Variants in RBBP6 observed in about 807,000 individuals in gnomAD.
RBBP6 encodes E3 ubiquitin-protein ligase RBBP6.
Under a neutral mutation model 167.7 loss-of-function variants are expected in RBBP6, and 25 were observed. The observed-to-expected ratio is 0.15, with a 90% CI of 0.11 to 0.21. The LOEUF is 0.21. Ranked by LOEUF, RBBP6 falls within the 10% of genes least tolerant of loss-of-function variation. The probability of loss-of-function intolerance (pLI) is 1.00; values close to 1 mark genes in which losing one functional copy is unlikely to be tolerated. For missense variants in RBBP6, 1,868 were observed against 2,134.2 expected, an observed-to-expected ratio of 0.88 and a Z score of 2.46; for synonymous variants, 789 against 735.8, an observed-to-expected ratio of 1.07 and a Z score of -1.17.
rs1040798933 is a variant in RBBP6, at chr16:24,541,087, C to G, written c.166+295C>G. ...GGAGGGAGGAGAGGGGGATAGCTAT[C>G]TAGACTCTTTGAGTGCTTGTCTTAG... On this transcript the variant is annotated intron_variant, in intron 1 of 17. Transcript: ENST00000319715. Among the ~76,000 whole-genome samples, 13 of 148,872 alleles carry G rather than the reference C, an allele frequency of 8.7e-5. 1 individual carries two copies. Among genetic ancestry groups the G allele is most frequent in the Admixed American group, 6.9e-5 (1 of 14,518 alleles).
Position 24,562,144 on chromosome 16 carries a change from A to G in RBBP6, c.1272A>G (p.Lys424=), listed in dbSNP as rs1319101177. ...TATCCATATCAGTTCATTCAGAAAA[A>G]TCAGATGGACCTTTTCGGTAAGCCT... ...ATVSISVHSE[K]SDGPFRDSDN... The change falls in exon 10 of 18, where the codon AAA becomes AAG. Residue 424 remains lysine (K), a synonymous_variant. Coordinates refer to ENST00000319715, the MANE Select transcript of RBBP6 (RefSeq NM_006910.5). 3.1e-6 allele frequency: 5 copies of G among 1,608,932 alleles called. No homozygotes were observed. Among genetic ancestry groups the G allele is most frequent in the Non-Finnish European group, 4.3e-6 (5 of 1,176,444 alleles).
chr16:24,568,765 G>A lies in RBBP6; in HGVS notation c.2075G>A (p.Gly692Asp), dbSNP rs752430301. 7 of 1,613,748 alleles carry A rather than the reference G, an allele frequency of 4.3e-6. No homozygotes were observed. The highest frequency in any genetic ancestry group is 5.9e-6 in the Non-Finnish European group (7 of 1,179,854). Residue 692 changes from glycine (G) to aspartate (D), a missense_variant, in exon 17 of 18, where the codon GGT (glycine) becomes GAT (aspartate). Gly to Asp is a moderately conservative substitution (Grantham distance 94). Around this residue, in one of 7 missense-constraint regions of RBBP6, gnomAD observed 145 missense variants for 224.3 expected, o/e 0.65. Coordinates refer to ENST00000319715, the MANE Select transcript of RBBP6 (RefSeq NM_006910.5). ...TTTAGGTCTAAATCTCCCTATAGTG[G>A]TTCTTCGTATTCAAGAAGTTCATAT... Reference protein sequence around the residue: ...SFSRSKSPYSGSSYSRSSYTY... With the variant: ...SFSRSKSPYSDSSYSRSSYTY...
intron 1 of RBBP6, among the ~76,000 whole-genome samples, chr16:24,544,565 A>G (rs905907336): frequency 2.0e-5 from 3 of 152,222 alleles, no homozygotes; most frequent in Non-Finnish European, 4.4e-5. Flanking sequence ...CTTTGTGCAG[A>G]GTAACTTTAA....
At chr16:24,554,552 G>A (rs974013769) in intron 4 of RBBP6, 9 of 151,978 alleles carry the variant, frequency 5.9e-5, no homozygotes, top group African/African-American at 2.2e-4. Context: ...GGAAAACTAA[G>A]CATTAAAATT....
chr16:24,545,969 G>T (rs576267906), intron 1 of RBBP6, among the ~76,000 whole-genome samples, 194 bp from the exon 2 acceptor site: 1 of 152,248 alleles, frequency 6.6e-6, no homozygotes, highest in Admixed American at 6.5e-5. Context: ...TGATGATATT[G>T]GTTGTCCTTT....
Position 24,563,646 on chromosome 16 carries a change from G to A in RBBP6, c.1502G>A (p.Gly501Asp). ...ATAAATACTGCTCGTCCAGGTGGTG[G>A]TCGACCAGGCTGGGAACAGTGAGTA... is the stretch of plus-strand genomic sequence containing the variant. ...VRINTARPGG[G>D]RPGWEHSNKL... Residue 501 changes from glycine (G) to aspartate (D), a missense_variant, in exon 13 of 18, where the codon GGT (glycine) becomes GAT (aspartate). Gly to Asp is a moderately conservative substitution (Grantham distance 94, BLOSUM62 -1). This residue lies in a region of RBBP6 where 245 missense variants were observed against 240.1 expected (regional missense o/e 1.02). Coordinates refer to ENST00000319715, the MANE Select transcript of RBBP6 (RefSeq NM_006910.5). 1.2e-6 allele frequency: 2 copies of A among 1,611,200 alleles called. No homozygotes were observed. Among genetic ancestry groups the A allele is most frequent in the Non-Finnish European group, 8.5e-7 (1 of 1,179,468 alleles).
chr16:24,546,258 G>A lies in RBBP6; in HGVS notation c.262G>A (p.Val88Ile), dbSNP rs760632936. 7.0e-6 allele frequency: 11 copies of A among 1,563,114 alleles called. No homozygotes were observed. Among genetic ancestry groups the A allele is most frequent in the South Asian group, 4.9e-5 (4 of 81,882 alleles). ...GGVKSTSKTY[V>I]ISRTEPAMAT... ...TGTTAAATCTACAAGCAAGACATATGTTATGTAAGTATCAAATCTCATGTA... is the reference window on the plus strand; with the variant it reads ...TGTTAAATCTACAAGCAAGACATATATTATGTAAGTATCAAATCTCATGTA... The change falls in exon 2 of 18, where the codon GTT (valine) becomes ATT (isoleucine). Residue 88 changes from valine to isoleucine, a missense_variant. Val to Ile is a conservative substitution (Grantham distance 29). Transcript: ENST00000319715.
intron 14 of RBBP6, among the ~76,000 whole-genome samples, chr16:24,565,170 G>A (rs1219430770): frequency 6.6e-6 from 1 of 152,100 alleles, no homozygotes; most frequent in Non-Finnish European, 1.5e-5. Context: ...GAAAGTCAGG[G>A]GTCAGACAAT....
At chr16:24,544,365 G>T (rs766614767) in intron 1 of RBBP6, among the ~76,000 whole-genome samples, 1 of 152,124 alleles carries the variant, frequency 6.6e-6, no homozygotes, top group Non-Finnish European at 1.5e-5. Flanking sequence ...CTAGGAAATT[G>T]CCTACCTCTA....
chr16:24,539,766 G>A lies in RBBP6; in HGVS notation c.-861G>A, dbSNP rs1233823765. On this transcript the variant is annotated 5_prime_UTR_variant, in exon 1 of 18. Coordinates refer to ENST00000319715, the MANE Select transcript of RBBP6 (RefSeq NM_006910.5). ...AAGGCGACGGAAACGAAAGGCGAGCGAAGCGCGGAGGATCCGGCGAGAAGA... is the reference window on the plus strand; with the variant it reads ...AAGGCGACGGAAACGAAAGGCGAGCAAAGCGCGGAGGATCCGGCGAGAAGA... The A allele has an allele frequency of 6.6e-6, 1 of 152,246 alleles. No homozygotes were observed. Among genetic ancestry groups the A allele is most frequent in the Non-Finnish European group, 1.5e-5 (1 of 68,064 alleles). 9.4% of individuals were successfully genotyped at this position (152,246 alleles called of 1,614,324 possible).
intron 1 of RBBP6, among the ~76,000 whole-genome samples, chr16:24,542,544 C>T (rs549102749): frequency 1.2e-4 from 19 of 152,126 alleles, no homozygotes; most frequent in African/African-American, 2.9e-4. Context: ...CTGCAACCTC[C>T]GCCTCCCTGG....
At chr16:24,563,338 A>G in intron 11 of RBBP6, 43 bp downstream of exon 11, 1 of 1,564,828 alleles carries the variant, frequency 6.4e-7, no homozygotes, top group Non-Finnish European at 8.7e-7. Flanking sequence ...TTTTTACAGC[A>G]GGGTTTTGTT....
chr16:24,560,258 C>T lies in RBBP6; in HGVS notation c.847+581C>T, dbSNP rs1254906515. Among the ~76,000 whole-genome samples, 2 of 152,040 alleles carry T rather than the reference C, an allele frequency of 1.3e-5. 1 individual carries two copies. Among genetic ancestry groups the T allele is most frequent in the Admixed American group, 1.3e-4 (2 of 15,270 alleles). ...AGTAGCTGGGACTGCAGGTGCCCGC[C>T]ACCACACCCGGCTAATGTTTTGTAT... is the stretch of plus-strand genomic sequence containing the variant. On this transcript the variant is annotated intron_variant, in intron 8 of 17. Transcript: ENST00000319715.
intron 4 of RBBP6, chr16:24,554,097 G>C (rs1160079963): frequency 6.6e-6 from 1 of 152,400 alleles, no homozygotes; most frequent in Non-Finnish European, 1.5e-5. Flanking sequence ...CATGAATTGT[G>C]TAAGTGTGTA....
At chr16:24,555,538 A>G in intron 4 of RBBP6, 77 bp from the exon 5 acceptor site, 7 of 1,083,606 alleles carry the variant, frequency 6.5e-6, no homozygotes, top group Non-Finnish European at 9.6e-6. Context: ...TCTTTACAGG[A>G]TGAGTGGTGT....
intron 8 of RBBP6, among the ~76,000 whole-genome samples, chr16:24,560,114 T>G (rs1012058428): frequency 6.7e-6 from 1 of 148,510 alleles, no homozygotes; most frequent in African/African-American, 2.5e-5. Flanking sequence ...AGTTTTTGTT[T>G]TTTTTTTTTT....
Position 24,567,780 on chromosome 16 carries a change from T to G in RBBP6, c.1953-12T>G. 6.3e-7 allele frequency: 1 copy of G among 1,590,298 alleles called. No individual in the cohort carries two copies. Among genetic ancestry groups the G allele is most frequent in the Non-Finnish European group, 8.6e-7 (1 of 1,164,520 alleles). On this transcript the variant is annotated splice_polypyrimidine_tract_variant and intron_variant, in intron 15 of 17. Transcript: ENST00000319715. ...TTTTGTTAACTTTCACTCTTTAACT[T>G]TATTTTACTAGGGAAAAGAAAAAGT...
At chr16:24,546,086 A>G in intron 1 of RBBP6, 77 bp from the exon 2 acceptor site, 4 of 1,468,356 alleles carry the variant, frequency 2.7e-6, no homozygotes, top group East Asian at 5.3e-5. Flanking sequence ...CATGAAATTT[A>G]TATTTGAAGT....
chr16:24,548,820 A>C, intron 2 of RBBP6, 125 bp from the exon 3 acceptor site: 1 of 750,626 alleles, frequency 1.3e-6, no homozygotes. Flanking sequence ...TTGGCTGTTA[A>C]ATATTTATAC....
Sources: allele counts gnomAD v4.1 joint callset (sites outside exome capture counted in the v4.1 genomes callset), GRCh38; gene constraint gnomAD v4.1.1; regional missense constraint gnomAD v4.1.1; transcripts MANE v1.5; gene names NCBI Gene and HGNC (gene_info 2026-07-23, HGNC 2026-07-21).